GLIS3: variants seen among roughly 807,000 people sequenced by gnomAD.
GLIS3 encodes zinc finger protein GLIS3.
GLIS3 carries 53 observed loss-of-function variants against 78.6 expected under a neutral mutation model. That is an observed-to-expected ratio of 0.67 (90% CI 0.54 to 0.85). The LOEUF (loss-of-function observed/expected upper bound fraction) is 0.85. Ranked by LOEUF, GLIS3 falls within the 40% of genes least tolerant of loss-of-function variation. The probability of loss-of-function intolerance (pLI) is 0.00; values close to 1 mark genes in which losing one functional copy is unlikely to be tolerated. For synonymous variants in GLIS3, 684 were observed against 509.9 expected, an observed-to-expected ratio of 1.34 and a Z score of -4.60; for missense variants, 1,703 against 1,231.1, an observed-to-expected ratio of 1.38 and a Z score of -5.74.
intron 6 of GLIS3, among the ~76,000 whole-genome samples, chr9:3,905,236 C>T (rs375926777): frequency 2.7e-5 from 4 of 146,914 alleles, no homozygotes; most frequent in Non-Finnish European, 3.0e-5. Flanking sequence ...GTGATCCGTC[C>T]GCCTCGGCCT....
chr9:4,053,703 C>CAAAAAAAAAAAAAA (rs1401904227), intron 4 of GLIS3, among the ~76,000 whole-genome samples: 5 of 26,572 alleles, frequency 1.9e-4, no homozygotes, highest in Admixed American at 5.4e-4. Context: ...TTTCTTTCTT[C>CAAAAAAAAAAAAAA]ATAAAAAAAA....
intron 2 of GLIS3, among the ~76,000 whole-genome samples, chr9:4,334,332 C>G (rs998249144): frequency 6.6e-6 from 1 of 152,142 alleles, no homozygotes; most frequent in Non-Finnish European, 1.5e-5. Flanking sequence ...TCAAAACAAG[C>G]AACAATTAAA....
intron 2 of GLIS3, among the ~76,000 whole-genome samples, chr9:4,250,503 CTCTTT>C (rs979535720): frequency 5.5e-4 from 84 of 152,158 alleles, no homozygotes; most frequent in African/African-American, 2.0e-3. Context: ...TGATTATTCT[CTCTTT>C]TCTTATTAGT....
chr9:4,082,177 C>A (rs538713878), intron 4 of GLIS3, among the ~76,000 whole-genome samples: 1 of 152,134 alleles, frequency 6.6e-6, no homozygotes, highest in Non-Finnish European at 1.5e-5. Flanking sequence ...ATTGCATCTC[C>A]GAGTAAGAGC....
the GLIS3 span, among the ~76,000 whole-genome samples, chr9:4,482,706 T>A: frequency 1.1e-4 from 17 of 152,194 alleles, no homozygotes; most frequent in African/African-American, 4.1e-4. Context: ...ATATGGTCTG[T>A]TGATGTAACT....
intron 4 of GLIS3, among the ~76,000 whole-genome samples, chr9:4,114,686 G>C (rs370674435): frequency 1.3e-4 from 20 of 152,216 alleles, no homozygotes; most frequent in African/African-American, 4.8e-4. Context: ...GACTAGCTGA[G>C]GTCTGCCTGT....
chr9:4,384,867 G>A, the GLIS3 span, among the ~76,000 whole-genome samples: 121 of 152,108 alleles, frequency 8.0e-4, 1 homozygote, highest in African/African-American at 2.8e-3. Context: ...TCCTTTCCTT[G>A]AGATCCAAAC....
the GLIS3 span, among the ~76,000 whole-genome samples, chr9:4,431,844 GAAA>G: frequency 5.5e-5 from 4 of 73,068 alleles, no homozygotes; most frequent in African/African-American, 1.2e-4. Context: ...AACTCCATCT[GAAA>G]AAAAAAAAAA....
At chr9:4,226,550 G>T (rs904101245) in intron 2 of GLIS3, among the ~76,000 whole-genome samples, 1 of 152,164 alleles carries the variant, frequency 6.6e-6, no homozygotes, top group Non-Finnish European at 1.5e-5. Context: ...GAATGGTAAG[G>T]TGGAGCTAAG....
chr9:3,884,513 T>G (rs1386273038), intron 7 of GLIS3, among the ~76,000 whole-genome samples: 1 of 151,832 alleles, frequency 6.6e-6, no homozygotes, highest in East Asian at 1.9e-4. Flanking sequence ...ATACAGATTC[T>G]GACTCACTAG....
chr9:4,470,988 G>A, the GLIS3 span, among the ~76,000 whole-genome samples: 1 of 151,436 alleles, frequency 6.6e-6, no homozygotes, highest in Admixed American at 6.6e-5. Context: ...CAAATCATGA[G>A]TGAACTCCCA....
At chr9:4,415,886 T>C in the GLIS3 span, among the ~76,000 whole-genome samples, 2 of 152,024 alleles carry the variant, frequency 1.3e-5, no homozygotes, top group South Asian at 4.2e-4. Context: ...TAAAATAAAA[T>C]TTCCCTTTGC....
At chr9:4,312,671 C>T (rs1471621035) in intron 2 of GLIS3, among the ~76,000 whole-genome samples, 1 of 152,210 alleles carries the variant, frequency 6.6e-6, no homozygotes, top group Admixed American at 6.5e-5. Context: ...TTACCTTAGG[C>T]CTTTTCTATC....
At chr9:3,939,531 C>G (rs1292700958) in intron 4 of GLIS3, among the ~76,000 whole-genome samples, 1 of 152,032 alleles carries the variant, frequency 6.6e-6, no homozygotes, top group East Asian at 1.9e-4. Context: ...GCAAAATGAA[C>G]AATATCTCAG....
chr9:3,895,858 T>A (rs997935840), intron 7 of GLIS3, among the ~76,000 whole-genome samples: 7 of 152,230 alleles, frequency 4.6e-5, no homozygotes, highest in Non-Finnish European at 1.0e-4. Context: ...ATGCCAAATT[T>A]AACTGCCTCC....
At chr9:4,441,269 A>G in the GLIS3 span, among the ~76,000 whole-genome samples, 7 of 152,230 alleles carry the variant, frequency 4.6e-5, no homozygotes, top group South Asian at 6.2e-4. Flanking sequence ...TTCTTATTCA[A>G]TATGATGTTA....
At chr9:4,105,980 A>T (rs1830720863) in intron 4 of GLIS3, among the ~76,000 whole-genome samples, 1 of 152,182 alleles carries the variant, frequency 6.6e-6, no homozygotes. Flanking sequence ...TAATTACAAT[A>T]AACTCAATCC....
chr9:4,128,487 AGAAT>A (rs1832736804), intron 2 of GLIS3, among the ~76,000 whole-genome samples: 2 of 152,266 alleles, frequency 1.3e-5, no homozygotes, highest in African/African-American at 2.4e-5. Flanking sequence ...CAGTGAAATT[AGAAT>A]GAATGAAAGA....
intron 4 of GLIS3, among the ~76,000 whole-genome samples, chr9:4,009,271 C>G (rs981135045): frequency 6.6e-6 from 1 of 152,170 alleles, no homozygotes; most frequent in Non-Finnish European, 1.5e-5. Flanking sequence ...CAAAGACAGC[C>G]CCTCAGCTGT....
Sources: allele counts gnomAD v4.1 joint callset (sites outside exome capture counted in the v4.1 genomes callset), GRCh38; gene constraint gnomAD v4.1.1; transcripts MANE v1.5; gene names NCBI Gene and HGNC (gene_info 2026-07-23, HGNC 2026-07-21).